Variants in PUS10 observed in about 807,000 individuals in gnomAD.
PUS10 encodes the protein tRNA pseudouridine synthase Pus10.
A neutral mutation model predicts 75.0 loss-of-function variants in PUS10; 59 were observed. The observed-to-expected ratio is 0.79, with a 90% CI of 0.64 to 0.98. The LOEUF is 0.98. Ranked by LOEUF, PUS10 falls within the 50% of genes least tolerant of loss-of-function variation. The pLI, the probability that PUS10 is intolerant of heterozygous loss-of-function variation, is 0.00. For missense variants in PUS10, 650 were observed against 614.4 expected, an observed-to-expected ratio of 1.06 and a Z score of -0.61; for synonymous variants, 219 against 211.6, an observed-to-expected ratio of 1.03 and a Z score of -0.30.
intron 10 of PUS10, 105 bp from the exon 11 acceptor site, chr2:60,960,622 T>C: frequency 1.9e-6 from 2 of 1,073,632 alleles, no homozygotes; most frequent in Non-Finnish European, 2.6e-6. Flanking sequence ...AGTGCTACGA[T>C]ATAAAACAAG....
intron 1 of PUS10, chr2:61,017,562 G>C: frequency 3.6e-6 from 2 of 557,834 alleles, no homozygotes; most frequent in South Asian, 4.6e-5. Context: ...CAAAGAGCGT[G>C]TTTCTTCCTA....
intron 5 of PUS10, among the ~76,000 whole-genome samples, chr2:60,969,652 A>G (rs1354994556): frequency 1.3e-5 from 2 of 152,232 alleles, no homozygotes; most frequent in Non-Finnish European, 2.9e-5. Context: ...TTTAACAGCA[A>G]TTCCTCCACA....
intron 4 of PUS10, among the ~76,000 whole-genome samples, chr2:60,990,046 A>T (rs1677980860): frequency 6.6e-6 from 1 of 152,170 alleles, no homozygotes; most frequent in Non-Finnish European, 1.5e-5. Context: ...AGAGACAAAA[A>T]AATTACACAA....
At chr2:60,964,837 C>T (rs1265638386) in intron 8 of PUS10, among the ~76,000 whole-genome samples, 1 of 152,136 alleles carries the variant, frequency 6.6e-6, no homozygotes, top group Non-Finnish European at 1.5e-5. Flanking sequence ...CTAGACACTA[C>T]ACAAACATGA....
intron 4 of PUS10, among the ~76,000 whole-genome samples, chr2:60,977,978 T>C (rs375140755): frequency 1.3e-5 from 2 of 152,180 alleles, no homozygotes; most frequent in East Asian, 3.8e-4. Flanking sequence ...AACATTAAGC[T>C]ATTAATAGTA....
chr2:61,000,751 C>T (rs1678798019), intron 4 of PUS10, among the ~76,000 whole-genome samples: 1 of 152,104 alleles, frequency 6.6e-6, no homozygotes, highest in Non-Finnish European at 1.5e-5. Flanking sequence ...TATTTTTAAC[C>T]CATTTTCCTA....
chr2:60,958,428 A>AT (rs1558885724), intron 11 of PUS10, among the ~76,000 whole-genome samples: 1 of 152,176 alleles, frequency 6.6e-6, no homozygotes, highest in Non-Finnish European at 1.5e-5. Context: ...GCAACAAATT[A>AT]TAAGAGGGAT....
chr2:60,999,085 G>A lies in PUS10; in HGVS notation c.468+7472C>T, dbSNP rs536603063. Among the ~76,000 whole-genome samples, 142 of 152,238 alleles carry A rather than the reference G, an allele frequency of 9.3e-4. 1 individual carries two copies. The highest frequency in any genetic ancestry group is 3.0e-3 in the African/African-American group (126 of 41,540). ...AAACTGTTTCCCATACACTACCCAT[G>A]AAAAGAGACCAATAAGCCAAACTGA... On this transcript the variant is annotated intron_variant, in intron 4 of 17. Transcript: ENST00000316752.
At chr2:60,991,676 G>C (rs932871542) in intron 4 of PUS10, among the ~76,000 whole-genome samples, 2 of 152,224 alleles carry the variant, frequency 1.3e-5, no homozygotes, top group African/African-American at 2.4e-5. Flanking sequence ...ACTTTTAAGA[G>C]TAAAGGAAAA....
chr2:60,953,851 TG>T, intron 14 of PUS10, 81 bp downstream of exon 14: 1 of 1,001,580 alleles, frequency 1.0e-6, no homozygotes, highest in Non-Finnish European at 1.6e-6. Flanking sequence ...TTATATATTC[TG>T]GATGCAATTC....
rs1325650120 is a variant in PUS10 at position 61,011,799 on chromosome 2, A to G, written c.92T>C (p.Val31Ala). 3.7e-6 allele frequency: 6 copies of G among 1,608,282 alleles called. No homozygotes were observed. The highest frequency in any genetic ancestry group is 5.1e-6 in the Non-Finnish European group (6 of 1,177,290). The change falls in exon 2 of 18, where the codon GTG (valine) becomes GCG (alanine). Residue 31 changes from valine to alanine, a missense_variant. Coordinates refer to ENST00000316752, the MANE Select transcript of PUS10 (RefSeq NM_144709.4). Reference sequence around the variant, plus strand: ...AAGTTTGTAAGGTGCATGAAAATCCACACCACAGAATCTGAAGATACATCT... The same window carrying G: ...AAGTTTGTAAGGTGCATGAAAATCCGCACCACAGAATCTGAAGATACATCT... Reference protein sequence around the residue: ...CPRCIFRFCGVDFHAPYKLPY... With the variant: ...CPRCIFRFCGADFHAPYKLPY...
At chr2:61,006,049 CT>C (rs202186530) in intron 4 of PUS10, among the ~76,000 whole-genome samples, 39 of 151,420 alleles carry the variant, frequency 2.6e-4, no homozygotes, top group African/African-American at 7.7e-4. Flanking sequence ...ACAGCAGTGA[CT>C]TTTTTTTTCA....
chr2:60,956,790 T>A (rs1005925497), intron 11 of PUS10, among the ~76,000 whole-genome samples: 12 of 151,884 alleles, frequency 7.9e-5, no homozygotes, highest in Admixed American at 6.6e-5. Flanking sequence ...CCTGGCTAAC[T>A]TGGTGAAACC....
chr2:60,944,213 T>C, intron 17 of PUS10: 1 of 985,004 alleles, frequency 1.0e-6, no homozygotes, highest in Non-Finnish European at 1.2e-6. Flanking sequence ...AGAGGCTCCC[T>C]GCAACCTTGA....
At chr2:60,980,697 A>G (rs1677329778) in intron 4 of PUS10, among the ~76,000 whole-genome samples, 1 of 152,258 alleles carries the variant, frequency 6.6e-6, no homozygotes, top group Non-Finnish European at 1.5e-5. Flanking sequence ...ACATGAACAC[A>G]CAATAAATGT....
chr2:60,965,528 A>G (rs757040630), intron 6 of PUS10, 44 bp from the exon 7 acceptor site: 2 of 1,254,970 alleles, frequency 1.6e-6, no homozygotes, highest in East Asian at 2.4e-5. Flanking sequence ...AAAGGAAACT[A>G]ACATCTAACA....
At chr2:60,959,357 T>A (rs1219055015) in intron 11 of PUS10, among the ~76,000 whole-genome samples, 1 of 152,236 alleles carries the variant, frequency 6.6e-6, no homozygotes, top group Admixed American at 6.5e-5. Flanking sequence ...TCAGTTGTTT[T>A]GAATTTCCCC....
At chr2:60,952,970 T>G (rs1675434539) in intron 15 of PUS10, 27 bp downstream of exon 15, 1 of 1,180,690 alleles carries the variant, frequency 8.5e-7, no homozygotes, top group African/African-American at 1.5e-5. Context: ...AAAAATGAAA[T>G]AAAAAGAATA....
At chr2:61,000,776 G>C (rs1048693021) in intron 4 of PUS10, among the ~76,000 whole-genome samples, 1 of 152,084 alleles carries the variant, frequency 6.6e-6, no homozygotes, top group East Asian at 1.9e-4. Flanking sequence ...TCCATTATTA[G>C]AACGCTAAGC....
Sources: allele counts gnomAD v4.1 joint callset (sites outside exome capture counted in the v4.1 genomes callset), GRCh38; gene constraint gnomAD v4.1.1; transcripts MANE v1.5; gene names NCBI Gene and HGNC (gene_info 2026-07-23, HGNC 2026-07-21).